Variants in OPCML observed in about 807,000 individuals in gnomAD.
OPCML encodes the protein opioid binding protein/cell adhesion molecule like.
In OPCML, 13 loss-of-function variants were observed where a neutral mutation model predicts 37.8. That is an observed-to-expected ratio of 0.34 (90% CI 0.22 to 0.55). OPCML has a LOEUF of 0.55. OPCML is among the 20% of genes least tolerant of loss of function. The pLI is 0.91. For missense variants in OPCML, 341 were observed against 435.6 expected (o/e 0.78, Z 1.93); for synonymous variants, 176 against 168.8 (o/e 1.04, Z -0.33).
At chr11:133,288,068 G>A (rs1280836918) in intron 1 of OPCML, among the ~76,000 whole-genome samples, 1 of 152,170 alleles carries the variant, frequency 6.6e-6, no homozygotes, top group Non-Finnish European at 1.5e-5. Flanking sequence ...GAACTTGGAT[G>A]GATTCTAAGC....
rs1294693296 is a variant in OPCML, at chr11:132,748,442, T to C, written c.147-91123A>G. The stretch of plus-strand genomic sequence containing the variant: ...CAGCATCATGCAGCTTATCTTCTAG[T>C]GGGAGAGTTAGATTTAAAAATCAAA... On this transcript the variant is annotated intron_variant, in intron 2 of 7. Transcript: ENST00000524381. 2.0e-5 allele frequency among the ~76,000 whole-genome samples: 3 copies of C among 152,142 alleles called. No homozygotes were observed. In the South Asian group the frequency reaches 6.2e-4, roughly 32 times the overall value.
chr11:133,091,799 C>G (rs1357951273), intron 1 of OPCML, among the ~76,000 whole-genome samples: 2 of 152,126 alleles, frequency 1.3e-5, no homozygotes, highest in South Asian at 2.1e-4. Flanking sequence ...TCACCTATAT[C>G]TGATTTAAAC....
chr11:133,057,511 G>A (rs1565423408), intron 1 of OPCML, among the ~76,000 whole-genome samples: 1 of 152,180 alleles, frequency 6.6e-6, no homozygotes, highest in Non-Finnish European at 1.5e-5. Context: ...CTGGGTGGGT[G>A]TGGCCAGTAG....
chr11:133,126,186 C>T (rs936467818), intron 1 of OPCML, among the ~76,000 whole-genome samples: 3 of 151,836 alleles, frequency 2.0e-5, no homozygotes, highest in Non-Finnish European at 4.4e-5. Flanking sequence ...GCAGGAAAGC[C>T]AGTGGTATAA....
chr11:132,844,491 A>C (rs1184963440), intron 2 of OPCML, among the ~76,000 whole-genome samples: 1 of 152,194 alleles, frequency 6.6e-6, no homozygotes. Context: ...TGACATGATC[A>C]TAATTAAGTT....
chr11:132,863,037 C>G (rs1942371370), intron 2 of OPCML, among the ~76,000 whole-genome samples: 1 of 152,180 alleles, frequency 6.6e-6, no homozygotes, highest in Non-Finnish European at 1.5e-5. Flanking sequence ...CACTGTATGC[C>G]TGTCTATTGT....
At chr11:132,830,608 C>T (rs1940630285) in intron 2 of OPCML, among the ~76,000 whole-genome samples, 1 of 152,200 alleles carries the variant, frequency 6.6e-6, no homozygotes, top group East Asian at 1.9e-4. Flanking sequence ...TGCCCAATTA[C>T]AGACAACACC....
chr11:132,623,360 C>G (rs953617792), intron 3 of OPCML, among the ~76,000 whole-genome samples: 1 of 150,772 alleles, frequency 6.6e-6, no homozygotes, highest in Non-Finnish European at 1.5e-5. Context: ...AGAACTGGGA[C>G]GTTAAAAACA....
At chr11:132,448,895 C>G (rs973121433) in intron 4 of OPCML, among the ~76,000 whole-genome samples, 10 of 152,224 alleles carry the variant, frequency 6.6e-5, no homozygotes, top group Admixed American at 2.0e-4. Context: ...AAAATTGCAT[C>G]AGATGACCTC....
intron 1 of OPCML, among the ~76,000 whole-genome samples, chr11:133,109,174 G>A (rs1016790782): frequency 2.0e-5 from 3 of 152,074 alleles, no homozygotes; most frequent in Middle Eastern, 3.2e-3. Flanking sequence ...GGTTCCTTCC[G>A]GTGGGTTCGT....
chr11:132,815,300 C>A (rs1939568824), intron 2 of OPCML, among the ~76,000 whole-genome samples: 1 of 152,304 alleles, frequency 6.6e-6, no homozygotes, highest in African/African-American at 2.4e-5. Context: ...GACCTGTCAG[C>A]CCGCTGAATA....
chr11:133,204,868 G>GTA (rs57658806), intron 1 of OPCML, among the ~76,000 whole-genome samples: 2,662 of 115,490 alleles, frequency 0.023, 93 homozygotes, highest in East Asian at 0.06. Context: ...ATATATATGT[G>GTA]TATATATATA....
chr11:132,427,486 C>T (rs984315801), intron 7 of OPCML, among the ~76,000 whole-genome samples: 11 of 152,176 alleles, frequency 7.2e-5, no homozygotes, highest in Non-Finnish European at 1.2e-4. Flanking sequence ...CAGCGGCAAA[C>T]GTGGCGCTGT....
At chr11:132,593,607 A>T (rs2096488059) in intron 3 of OPCML, among the ~76,000 whole-genome samples, 1 of 152,174 alleles carries the variant, frequency 6.6e-6, no homozygotes, top group Admixed American at 6.5e-5. Flanking sequence ...TGAACAGATC[A>T]GGGGAGAGAT....
chr11:132,579,741 C>T lies in OPCML; in HGVS notation c.380-50555G>A, dbSNP rs188249655. On this transcript the variant is annotated intron_variant, in intron 3 of 7. Transcript: ENST00000524381. ...GATCGAGCTCTGATAGACTGAGACA[C>T]GCTGAAGACAGAGTTGAATCTCAGC... Among the ~76,000 whole-genome samples the T allele has an allele frequency of 5.9e-5, 9 of 152,176 alleles. No individual in the cohort carries two copies. The East Asian group carries it at 1.6e-3, about 26-fold the overall frequency.
intron 1 of OPCML, among the ~76,000 whole-genome samples, chr11:133,504,566 T>C (rs992332045): frequency 2.6e-5 from 4 of 152,136 alleles, no homozygotes; most frequent in Non-Finnish European, 4.4e-5. Flanking sequence ...GAGATCTGAT[T>C]AATTGTGCCA....
chr11:133,479,963 C>T (rs756082808), intron 1 of OPCML, among the ~76,000 whole-genome samples: 12 of 152,134 alleles, frequency 7.9e-5, no homozygotes, highest in African/African-American at 2.4e-4. Context: ...GGAGCCAGCC[C>T]GGGAGGCTTG....
intron 1 of OPCML, among the ~76,000 whole-genome samples, chr11:133,082,612 C>CTCTCCTCCTCGT (rs1565438100): frequency 1.1e-5 from 1 of 92,926 alleles, no homozygotes; most frequent in Admixed American, 9.9e-5. Context: ...TCCCCCTTTC[C>CTCTCCTCCTCGT]CCTCTTACTA....
At chr11:133,228,375 G>C (rs1940132456) in intron 1 of OPCML, among the ~76,000 whole-genome samples, 1 of 152,220 alleles carries the variant, frequency 6.6e-6, no homozygotes, top group South Asian at 2.1e-4. Flanking sequence ...AGGTCACACA[G>C]CATACATAAA....
Sources: allele counts gnomAD v4.1 joint callset (sites outside exome capture counted in the v4.1 genomes callset), GRCh38; gene constraint gnomAD v4.1.1; transcripts MANE v1.5; gene names NCBI Gene and HGNC (gene_info 2026-07-23, HGNC 2026-07-21).